C15orf40: variants seen among roughly 807,000 people sequenced by gnomAD.
The protein encoded by C15orf40 is UPF0235 protein C15orf40.
Under a neutral mutation model 13.9 loss-of-function variants are expected in C15orf40, and 9 were observed. The observed-to-expected ratio is 0.65, with a 90% CI of 0.39 to 1.13. The LOEUF is 1.13. C15orf40 is among the 50% of genes most tolerant of loss of function. The pLI is 0.01. For missense variants in C15orf40, 225 were observed against 188.5 expected (o/e 1.19, Z -1.13); for synonymous variants, 95 against 69.2 (o/e 1.37, Z -1.85).
rs956061288 is a variant in C15orf40, at chr15:83,010,446, C to T, written c.112-83G>A. 3.3e-6 allele frequency: 5 copies of T among 1,527,008 alleles called. No individual in the cohort carries two copies. The East Asian group carries it at 9.0e-5, about 28-fold the overall frequency. 94.6% of individuals were successfully genotyped at this position (1,527,008 alleles called of 1,614,324 possible). ...TTGATTCTTCCACTACCCCCTTTCACCCTTAACAGACAAACTAGGCTCATC... is the reference window on the plus strand; with the variant it reads ...TTGATTCTTCCACTACCCCCTTTCATCCTTAACAGACAAACTAGGCTCATC... On this transcript the variant is annotated intron_variant, in intron 1 of 3. Coordinates refer to ENST00000304177, the MANE Select transcript of C15orf40 (RefSeq NM_144597.3).
At position 83,001,142 on chromosome 15, in the gene C15orf40, TC is replaced by T; in HGVS notation, c.*4454del. 2 of 985,478 alleles carry T rather than the reference TC, an allele frequency of 2.0e-6. No homozygotes were observed. Among genetic ancestry groups the T allele is most frequent in the Non-Finnish European group, 2.4e-6 (2 of 829,966 alleles). 61.0% of individuals were successfully genotyped at this position (985,478 alleles called of 1,614,324 possible). A position where few individuals can be genotyped will look rare whatever the true frequency, so the allele number is the denominator to read the frequency against. ...GTGCACTGCAAAGGTTCCACCTTCA[TC>T]CTCTGGTTATTGCTGTCCCTCCCCT... On this transcript the variant is annotated 3_prime_UTR_variant, in exon 4 of 4. Transcript: ENST00000304177.
In C15orf40 at chr15:83,004,965, CTCAACTTCTGGATATAGGAAA is replaced by C. The variant is rs1465687579; in HGVS notation, c.*611_*631del. 5 of 1,284,700 alleles carry C rather than the reference CTCAACTTCTGGATATAGGAAA, an allele frequency of 3.9e-6. No homozygotes were observed. The highest frequency in any genetic ancestry group is 5.1e-6 in the Non-Finnish European group (5 of 972,110). The allele number at this position is 1,284,700 out of a possible 1,614,324, so 79.6% of individuals were successfully genotyped here. A position where few individuals can be genotyped will look rare whatever the true frequency, so the allele number is the denominator to read the frequency against. ...GCATGGTACAATCTTGAGTAAGTCT[CTCAACTTCTGGATATAGGAAA>C]TCAAAGGCCCCCCAACAGAATGAAA... On this transcript the variant is annotated 3_prime_UTR_variant, in exon 4 of 4. Coordinates refer to ENST00000304177, the MANE Select transcript of C15orf40 (RefSeq NM_144597.3).
chr15:82,992,514 C>T (rs1023986692), downstream of C15orf40, among the ~76,000 whole-genome samples: 2 of 147,542 alleles, frequency 1.4e-5, no homozygotes, highest in African/African-American at 2.6e-5. Flanking sequence ...GAAACTCTCT[C>T]AAAGAAAAAA....
At chr15:82,991,088 G>A, downstream of C15orf40, 1 of 155,610 alleles carries the variant, frequency 6.4e-6, no homozygotes. Flanking sequence ...TATTAATATG[G>A]TGAAATGAGA....
At chr15:83,005,890 G>T (rs1337373453) in intron 3 of C15orf40, among the ~76,000 whole-genome samples, 198 bp from the exon 4 acceptor site, 4 of 152,056 alleles carry the variant, frequency 2.6e-5, no homozygotes, top group Admixed American at 2.6e-4. Flanking sequence ...ACTCTCCAGG[G>T]TTTTTACCTT....
chr15:82,990,727 C>A, downstream of C15orf40: 2 of 1,258,988 alleles, frequency 1.6e-6, no homozygotes, highest in South Asian at 2.6e-5. Flanking sequence ...GGGTACACAT[C>A]ATTTTATACA....
At chr15:82,993,911 A>C (rs936852322), downstream of C15orf40, among the ~76,000 whole-genome samples, 2 of 152,222 alleles carry the variant, frequency 1.3e-5, no homozygotes, top group African/African-American at 4.8e-5. Flanking sequence ...ACATCAGATT[A>C]ATGTCCTTTT....
Position 83,005,184 on chromosome 15 carries a change from T to A in C15orf40, c.*413A>T. On this transcript the variant is annotated 3_prime_UTR_variant, in exon 4 of 4. Coordinates refer to ENST00000304177, the MANE Select transcript of C15orf40 (RefSeq NM_144597.3). ...GGAGTCTTATTCGAATATATACATA[T>A]ATATATGTCCCCCATGTTCTTCTGT... 9.6e-7 allele frequency: 1 copy of A among 1,041,166 alleles called. No homozygotes were observed. Among genetic ancestry groups the A allele is most frequent in the Non-Finnish European group, 1.2e-6 (1 of 861,588 alleles). 64.5% of individuals were successfully genotyped at this position (1,041,166 alleles called of 1,614,324 possible).
At position 83,001,402 on chromosome 15, in the gene C15orf40, C is replaced by T; in HGVS notation, c.*4195G>A. ...AGGTGCGGGTGATAGATGACAGATG[C>T]AGTGCTAGAACATCATATGTCGGCA... On this transcript the variant is annotated 3_prime_UTR_variant, in exon 4 of 4. Transcript: ENST00000304177. 1 of 597,670 alleles carries T rather than the reference C, an allele frequency of 1.7e-6. No homozygotes were observed. Among genetic ancestry groups the T allele is most frequent in the Non-Finnish European group, 2.1e-6 (1 of 475,878 alleles). The allele number at this position is 597,670 out of a possible 1,614,324, so 37.0% of individuals were successfully genotyped here.
Position 82,997,970 on chromosome 15 carries a change from C to T in C15orf40, c.*7627G>A. ...GCTGGCCGGGCGGAGGGCTGACCCCCCCACCTCCCTCCCGGACGGGGCGGC... is the reference window on the plus strand; with the variant it reads ...GCTGGCCGGGCGGAGGGCTGACCCCTCCACCTCCCTCCCGGACGGGGCGGC... On this transcript the variant is annotated 3_prime_UTR_variant, in exon 4 of 4. Coordinates refer to ENST00000304177, the MANE Select transcript of C15orf40 (RefSeq NM_144597.3). 7.3e-6 allele frequency: 1 copy of T among 137,824 alleles called. No individual in the cohort carries two copies. Among genetic ancestry groups the T allele is most frequent in the Non-Finnish European group, 1.6e-5 (1 of 62,414 alleles). 8.5% of individuals were successfully genotyped at this position (137,824 alleles called of 1,614,324 possible).
At chr15:82,989,215 A>G, downstream of C15orf40, 2 of 1,607,234 alleles carry the variant, frequency 1.2e-6, no homozygotes, top group Non-Finnish European at 1.7e-6. Flanking sequence ...ATAAATGCAG[A>G]TAGTTGATCT....
Position 83,011,547 on chromosome 15 carries a change from C to G in C15orf40, c.61G>C (p.Ala21Pro), listed in dbSNP as rs777762884. 16 of 1,606,494 alleles carry G rather than the reference C, an allele frequency of 1.0e-5. No individual in the cohort carries two copies. The highest frequency in any genetic ancestry group is 5.0e-5 in the Admixed American group (3 of 59,832). The part of the protein sequence containing the change: ...LRATPNTRGS[A>P]RLLCAEMPKK... Reference sequence around the variant, plus strand: ...GGCATCTCGGCGCAAAGAAGCCGAGCGGAGCCCCGAGTATTGGGTGTTGCC... The same window carrying G: ...GGCATCTCGGCGCAAAGAAGCCGAGGGGAGCCCCGAGTATTGGGTGTTGCC... Residue 21 changes from alanine (A) to proline (P), a missense_variant, in exon 1 of 4, where the codon GCT (alanine) becomes CCT (proline). Transcript: ENST00000304177.
Position 83,004,519 on chromosome 15 carries a change from C to CA in C15orf40, c.*1077dup. 1.2e-6 allele frequency: 1 copy of CA among 809,566 alleles called. No homozygotes were observed. The highest frequency in any genetic ancestry group is 1.5e-6 in the Non-Finnish European group (1 of 669,916). The allele number at this position is 809,566 out of a possible 1,614,324, so 50.1% of individuals were successfully genotyped here. A position where few individuals can be genotyped will look rare whatever the true frequency, so the allele number is the denominator to read the frequency against. ...AGATGTAATTTCTGACAAGCTTTTA[C>CA]AAATACTGAAAATAGCTTCCAAGTC... On this transcript the variant is annotated 3_prime_UTR_variant, in exon 4 of 4. Coordinates refer to ENST00000304177, the MANE Select transcript of C15orf40 (RefSeq NM_144597.3).
chr15:83,005,397 G>A lies in C15orf40; in HGVS notation c.*200C>T. 1.6e-6 allele frequency: 1 copy of A among 635,814 alleles called. No homozygotes were observed. The highest frequency in any genetic ancestry group is 2.1e-6 in the Non-Finnish European group (1 of 471,320). 39.4% of individuals were successfully genotyped at this position (635,814 alleles called of 1,614,324 possible). On this transcript the variant is annotated 3_prime_UTR_variant, in exon 4 of 4. Coordinates refer to ENST00000304177, the MANE Select transcript of C15orf40 (RefSeq NM_144597.3). Reference sequence around the variant, plus strand: ...CCCCCCAGGTTCAAGTGATTCTCCTGCCTCAGCCTCCTGAGTAACTGGGAT... The same window carrying A: ...CCCCCCAGGTTCAAGTGATTCTCCTACCTCAGCCTCCTGAGTAACTGGGAT...
In C15orf40 at chr15:83,001,287, G is replaced by C. The variant is rs1036838587; in HGVS notation, c.*4310C>G. The C allele has an allele frequency of 1.0e-5, 10 of 985,350 alleles. No individual in the cohort carries two copies. The African/African-American group carries it at 1.6e-4, about 15-fold the overall frequency. The allele number at this position is 985,350 out of a possible 1,614,324, so 61.0% of individuals were successfully genotyped here. A position where few individuals can be genotyped will look rare whatever the true frequency, so the allele number is the denominator to read the frequency against. On this transcript the variant is annotated 3_prime_UTR_variant, in exon 4 of 4. Transcript: ENST00000304177. The stretch of plus-strand genomic sequence containing the variant: ...CCAGGATCTGTCGAAGTACAGCATA[G>C]GCAAACCACCTAGCAGTGTCTGTCA...
chr15:83,003,422 C>G lies in C15orf40; in HGVS notation c.*2175G>C, dbSNP rs992076536. The G allele has an allele frequency of 6.6e-6, 1 of 152,072 alleles. No individual in the cohort carries two copies. Among genetic ancestry groups the G allele is most frequent in the African/African-American group, 2.4e-5 (1 of 41,398 alleles). The allele number at this position is 152,072 out of a possible 1,614,324, so 9.4% of individuals were successfully genotyped here. On this transcript the variant is annotated 3_prime_UTR_variant, in exon 4 of 4. Coordinates refer to ENST00000304177, the MANE Select transcript of C15orf40 (RefSeq NM_144597.3). ...GATTACAGGTGTGAGCTACCATGCC[C>G]GGCCAGGAAAGTTGATCTTTTATGA...
chr15:83,011,337 C>G, intron 1 of C15orf40, 160 bp downstream of exon 1: 1 of 753,358 alleles, frequency 1.3e-6, no homozygotes, highest in Non-Finnish European at 1.9e-6. Context: ...GGCAGCAGGC[C>G]GCAGCTCTGG....
chr15:83,004,741 T>G lies in C15orf40; in HGVS notation c.*856A>C, dbSNP rs527335716. Reference sequence around the variant, plus strand: ...TTTAAAAGATGTAAAAAAAAAATTTTTTTTACATTTAAATAAGCATTTAAA... The same window carrying G: ...TTTAAAAGATGTAAAAAAAAAATTTGTTTTACATTTAAATAAGCATTTAAA... On this transcript the variant is annotated 3_prime_UTR_variant, in exon 4 of 4. Coordinates refer to ENST00000304177, the MANE Select transcript of C15orf40 (RefSeq NM_144597.3). 1 of 1,008,610 alleles carries G rather than the reference T, an allele frequency of 9.9e-7. No homozygotes were observed. The highest frequency in any genetic ancestry group is 4.1e-5 in the South Asian group (1 of 24,676). 62.5% of individuals were successfully genotyped at this position (1,008,610 alleles called of 1,614,324 possible). A position where few individuals can be genotyped will look rare whatever the true frequency, so the allele number is the denominator to read the frequency against.
In C15orf40 at chr15:83,003,988, T is replaced by C. The variant is rs910735033; in HGVS notation, c.*1609A>G. 17 of 152,258 alleles carry C rather than the reference T, an allele frequency of 1.1e-4. No homozygotes were observed. Among genetic ancestry groups the C allele is most frequent in the African/African-American group, 2.6e-4 (11 of 41,542 alleles). 9.4% of individuals were successfully genotyped at this position (152,258 alleles called of 1,614,324 possible). On this transcript the variant is annotated 3_prime_UTR_variant, in exon 4 of 4. Coordinates refer to ENST00000304177, the MANE Select transcript of C15orf40 (RefSeq NM_144597.3). ...GTCTCAAACTCCTAACCTCAGGTGA[T>C]CCACCCGCCTCGACCTCCCAAAGTG...
Sources: gnomAD v4.1 joint callset for allele counts (sites outside exome capture counted in the v4.1 genomes callset) on GRCh38, gnomAD v4.1.1 for gene constraint, MANE v1.5 for transcripts, NCBI Gene and HGNC (gene_info 2026-07-23, HGNC 2026-07-21) for gene names.